The following RBFOX1 variants were observed in gnomAD, a reference collection of about 807,000 sequenced individuals.
The protein encoded by RBFOX1 is RNA binding fox-1 homolog 1, also known as RNA binding protein fox-1 homolog 1.
Under a neutral mutation model 57.7 loss-of-function variants are expected in RBFOX1, and 8 were observed. The ratio of observed to expected loss-of-function variants is 0.14; its 90% CI spans 0.08 to 0.25. The LOEUF is 0.25. Among genes scored for constraint, RBFOX1 ranks in the 10% least tolerant of loss-of-function variants. The pLI is 1.00. For synonymous variants in RBFOX1, 326 were observed against 222.4 expected (o/e 1.47, Z -4.15); for missense variants, 611 against 548.5 (o/e 1.11, Z -1.14).
intron 3 of RBFOX1, among the ~76,000 whole-genome samples, chr16:5,620,202 G>A (rs1472411332): frequency 1.3e-5 from 2 of 152,070 alleles, no homozygotes; most frequent in African/African-American, 4.8e-5. Context: ...CATTATCCCA[G>A]GATCATCAGT....
intron 3 of RBFOX1, among the ~76,000 whole-genome samples, chr16:6,857,694 G>C (rs1227357712): frequency 6.6e-6 from 1 of 152,326 alleles, no homozygotes; most frequent in East Asian, 1.9e-4. Flanking sequence ...CTAACGGAGT[G>C]TATCAGTTGT....
chr16:6,902,309 TCTTA>T (rs1395900198), intron 3 of RBFOX1, among the ~76,000 whole-genome samples: 5 of 152,178 alleles, frequency 3.3e-5, no homozygotes, highest in African/African-American at 1.2e-4. Flanking sequence ...GGAAAGCTAC[TCTTA>T]CTTGATATGG....
intron 1 of RBFOX1, among the ~76,000 whole-genome samples, chr16:6,060,130 T>TTTGTTTGTTTG (rs2095665871): frequency 1.7e-4 from 2 of 11,668 alleles, no homozygotes; most frequent in African/African-American, 5.6e-4. Flanking sequence ...GGGTTTTTTT[T>TTTGTTTGTTTG]TTTTTTTTTT....
chr16:6,995,086 A>G (rs2092055263), intron 3 of RBFOX1, among the ~76,000 whole-genome samples: 1 of 152,068 alleles, frequency 6.6e-6, no homozygotes, highest in African/African-American at 2.4e-5. Flanking sequence ...TAAGTGGAAA[A>G]TTAAAAATTC....
chr16:7,305,414 C>A (rs2096156096), intron 4 of RBFOX1, among the ~76,000 whole-genome samples: 1 of 152,118 alleles, frequency 6.6e-6, no homozygotes, highest in Non-Finnish European at 1.5e-5. Context: ...TGGATGTGAA[C>A]TGAAGGGCTA....
intron 1 of RBFOX1, among the ~76,000 whole-genome samples, chr16:6,079,660 C>A (rs1422755109): frequency 6.6e-6 from 1 of 151,976 alleles, no homozygotes; most frequent in African/African-American, 2.4e-5. Context: ...CACAGGGAGA[C>A]CCCGTTTCTA....
At chr16:5,834,390 A>G (rs893732240) in intron 3 of RBFOX1, among the ~76,000 whole-genome samples, 1 of 152,180 alleles carries the variant, frequency 6.6e-6, no homozygotes, top group African/African-American at 2.4e-5. Context: ...ACTTAGAATA[A>G]TGGCCTCTAG....
intron 4 of RBFOX1, among the ~76,000 whole-genome samples, chr16:7,254,904 C>T (rs926470068): frequency 6.6e-6 from 1 of 152,048 alleles, no homozygotes; most frequent in South Asian, 2.1e-4. Context: ...GCATTTTGTA[C>T]CATCATTTCT....
intron 3 of RBFOX1, among the ~76,000 whole-genome samples, chr16:6,738,307 G>T (rs1191291836): frequency 1.3e-5 from 2 of 152,062 alleles, no homozygotes; most frequent in Non-Finnish European, 2.9e-5. Context: ...AAGGAGAGGA[G>T]GGGAACTGAG....
intron 1 of RBFOX1, among the ~76,000 whole-genome samples, chr16:5,310,526 T>C (rs2064058454): frequency 6.6e-6 from 1 of 152,160 alleles, no homozygotes; most frequent in Non-Finnish European, 1.5e-5. Flanking sequence ...CTCATCTGTA[T>C]ATGGAGGAGG....
chr16:6,335,913 G>C (rs1435212217), intron 2 of RBFOX1, among the ~76,000 whole-genome samples: 2 of 150,586 alleles, frequency 1.3e-5, no homozygotes, highest in African/African-American at 4.9e-5. Context: ...TGTTCTCCAG[G>C]TATTGCCTGG....
intron 3 of RBFOX1, among the ~76,000 whole-genome samples, chr16:7,034,656 G>C (rs11639847): frequency 0.071 from 10,723 of 151,512 alleles, 668 homozygotes; most frequent in East Asian, 0.32. Context: ...GGCTAGCAGA[G>C]GGCCCTCTTT....
At chr16:5,968,333 C>T (rs2059892525) in intron 4 of RBFOX1, among the ~76,000 whole-genome samples, 1 of 152,174 alleles carries the variant, frequency 6.6e-6, no homozygotes, top group African/African-American at 2.4e-5. Flanking sequence ...CCTCAGCCTC[C>T]CCAAGTGCTG....
chr16:6,440,245 C>T (rs2094348599), intron 2 of RBFOX1, among the ~76,000 whole-genome samples: 1 of 152,008 alleles, frequency 6.6e-6, no homozygotes, highest in Admixed American at 6.6e-5. Context: ...TCTAAATATA[C>T]ATGTATTGAT....
chr16:7,195,870 G>A (rs12922703), intron 4 of RBFOX1, among the ~76,000 whole-genome samples: 44,661 of 151,958 alleles, frequency 0.29, 7,000 homozygotes, highest in Non-Finnish European at 0.36. Context: ...CATAATTTTA[G>A]AAAGGTGCCT....
chr16:6,997,794 G>C (rs1333339296), intron 3 of RBFOX1, among the ~76,000 whole-genome samples: 2 of 152,108 alleles, frequency 1.3e-5, no homozygotes, highest in Admixed American at 6.6e-5. Context: ...CTGTTTCTCT[G>C]AGGTAGGGTT....
chr16:5,954,996 T>C (rs2059594728), intron 4 of RBFOX1, among the ~76,000 whole-genome samples: 2 of 151,244 alleles, frequency 1.3e-5, no homozygotes, highest in Admixed American at 1.3e-4. Flanking sequence ...AGTCAGTCTT[T>C]CTAGCTGGAC....
In RBFOX1 at chr16:5,976,033, A is replaced by T. The variant is rs2060055222; in HGVS notation, c.351+108698A>T. On this transcript the variant is annotated intron_variant, in intron 4 of 19. Coordinates refer to the RBFOX1 transcript ENST00000641259. ...GTGGCGTGTACCTGTAGTCCTAGCC[A>T]CTCAGGAGGCTGAGGCAAGAGAATT... Among the ~76,000 whole-genome samples the T allele has an allele frequency of 2.6e-5, 4 of 151,994 alleles. No homozygotes were observed. In the South Asian group the frequency reaches 8.3e-4, roughly 32 times the overall value.
At chr16:5,505,924 C>G (rs547352595) in intron 2 of RBFOX1, among the ~76,000 whole-genome samples, 4 of 152,238 alleles carry the variant, frequency 2.6e-5, no homozygotes, top group African/African-American at 7.2e-5. Flanking sequence ...CATCCCTGCT[C>G]AAAATCTCTC....
Sources: gnomAD v4.1 joint callset for allele counts (sites outside exome capture counted in the v4.1 genomes callset) on GRCh38, gnomAD v4.1.1 for gene constraint, MANE v1.5 for transcripts, NCBI Gene and HGNC (gene_info 2026-07-23, HGNC 2026-07-21) for gene names.